The following CTNNA2 variants were observed in gnomAD, a reference collection of about 807,000 sequenced individuals.
CTNNA2 encodes the protein catenin alpha 2, also known as catenin alpha-2.
Under a neutral mutation model 101.0 loss-of-function variants are expected in CTNNA2, and 42 were observed. That is an observed-to-expected ratio of 0.42 (90% confidence interval 0.32 to 0.54). CTNNA2 has a LOEUF of 0.54. CTNNA2 is among the 20% of genes least tolerant of loss of function. The pLI is 0.14. For synonymous variants in CTNNA2, 450 were observed against 456.4 expected (o/e 0.99, Z 0.18); for missense variants, 871 against 1,223.1 (o/e 0.71, Z 4.29).
At chr2:80,553,512 G>A (rs1195803134) in intron 11 of CTNNA2, among the ~76,000 whole-genome samples, 3 of 151,926 alleles carry the variant, frequency 2.0e-5, no homozygotes, top group Admixed American at 6.6e-5. Context: ...GTCATGAATG[G>A]GTTTCTTAGA....
At chr2:80,116,690 T>C (rs975637525) in intron 7 of CTNNA2, among the ~76,000 whole-genome samples, 5 of 152,178 alleles carry the variant, frequency 3.3e-5, no homozygotes, top group African/African-American at 1.2e-4. Context: ...CAGCCAGGTT[T>C]CTACTTTGGT....
At chr2:79,485,575 A>T (rs762697780) in intron 4 of CTNNA2, among the ~76,000 whole-genome samples, 2 of 152,170 alleles carry the variant, frequency 1.3e-5, no homozygotes, top group Non-Finnish European at 2.9e-5. Flanking sequence ...CCTTGTTTGG[A>T]TGTGGAAAGA....
rs575136998 is a variant in CTNNA2, at chr2:80,114,294, T to C, written c.1056+204497T>C. Among the ~76,000 whole-genome samples, 3 of 152,336 alleles carry C rather than the reference T, an allele frequency of 2.0e-5. No homozygotes were observed. The South Asian group carries it at 6.2e-4, about 32-fold the overall frequency. ...GGAAAACTATTGTGATTTCAGGATA[T>C]CAAATCCAGAGTTTTATTCAAATAC... On this transcript the variant is annotated intron_variant, in intron 7 of 18. Transcript: ENST00000402739.
At chr2:80,000,164 G>C (rs149814622) in intron 7 of CTNNA2, among the ~76,000 whole-genome samples, 86 of 152,292 alleles carry the variant, frequency 5.6e-4, no homozygotes, top group African/African-American at 2.0e-3. Flanking sequence ...TAAGTTTAAA[G>C]AATTGGGTGT....
intron 7 of CTNNA2, among the ~76,000 whole-genome samples, chr2:80,105,381 C>T (rs1700814827): frequency 6.6e-6 from 1 of 152,170 alleles, no homozygotes; most frequent in Non-Finnish European, 1.5e-5. Flanking sequence ...TTGAGAATTG[C>T]CTAGGCAAAG....
chr2:79,496,045 G>T (rs964546230), intron 4 of CTNNA2, among the ~76,000 whole-genome samples: 1 of 152,110 alleles, frequency 6.6e-6, no homozygotes, highest in African/African-American at 2.4e-5. Flanking sequence ...GTCTTTTGGG[G>T]TAATGAAAAT....
chr2:79,948,269 C>T (rs1026524855), intron 7 of CTNNA2, among the ~76,000 whole-genome samples: 1 of 152,186 alleles, frequency 6.6e-6, no homozygotes, highest in African/African-American at 2.4e-5. Context: ...TCCATGGTTG[C>T]CGGCTGGTAT....
intron 3 of CTNNA2, among the ~76,000 whole-genome samples, chr2:79,803,757 GT>G (rs1169999762): frequency 6.6e-6 from 1 of 152,218 alleles, no homozygotes; most frequent in Non-Finnish European, 1.5e-5. Flanking sequence ...CCATGATGTA[GT>G]TCCTTAGAAT....
chr2:79,703,319 T>C (rs1685133893), intron 2 of CTNNA2, among the ~76,000 whole-genome samples: 3 of 152,204 alleles, frequency 2.0e-5, no homozygotes, highest in South Asian at 4.1e-4. Flanking sequence ...ACTTGGTTCT[T>C]AGTTGTTTTT....
intron 4 of CTNNA2, among the ~76,000 whole-genome samples, chr2:79,445,765 G>C (rs897476919): frequency 6.6e-6 from 1 of 152,046 alleles, no homozygotes; most frequent in Non-Finnish European, 1.5e-5. Flanking sequence ...ACTCCTGTGT[G>C]CACAAGCAGA....
intron 3 of CTNNA2, among the ~76,000 whole-genome samples, chr2:79,844,979 T>TACACACACACACAC (rs59885288): frequency 0.021 from 2,959 of 140,240 alleles, 63 homozygotes; most frequent in African/African-American, 0.048. Context: ...GAAAACAAAC[T>TACACACACACACAC]ACACACACAC....
chr2:79,683,006 G>C (rs1683689462), intron 2 of CTNNA2, among the ~76,000 whole-genome samples: 1 of 152,210 alleles, frequency 6.6e-6, no homozygotes, highest in Admixed American at 6.5e-5. Context: ...TTAGACTAAA[G>C]TCTATACATG....
At chr2:79,579,470 T>C (rs113496115) in intron 1 of CTNNA2, among the ~76,000 whole-genome samples, 10 of 152,316 alleles carry the variant, frequency 6.6e-5, no homozygotes, top group African/African-American at 2.4e-4. Flanking sequence ...CAGTTTAATA[T>C]AATCTTTCCT....
intron 18 of CTNNA2, among the ~76,000 whole-genome samples, chr2:80,639,156 C>T (rs1486437566): frequency 6.6e-6 from 1 of 152,174 alleles, no homozygotes; most frequent in Non-Finnish European, 1.5e-5. Context: ...GGAGTTATCG[C>T]ACAGAATTTC....
At chr2:79,417,494 A>G (rs1484119363) in intron 4 of CTNNA2, among the ~76,000 whole-genome samples, 3 of 152,182 alleles carry the variant, frequency 2.0e-5, no homozygotes, top group African/African-American at 7.2e-5. Flanking sequence ...CTGAATCAGC[A>G]AGTGTTTCTG....
intron 9 of CTNNA2, among the ~76,000 whole-genome samples, chr2:80,536,579 C>A (rs1186541352): frequency 6.6e-6 from 1 of 152,072 alleles, no homozygotes; most frequent in Non-Finnish European, 1.5e-5. Flanking sequence ...AACAGAATCA[C>A]AAATATTAAA....
At chr2:79,850,916 T>C (rs991588974) in intron 3 of CTNNA2, among the ~76,000 whole-genome samples, 1 of 152,166 alleles carries the variant, frequency 6.6e-6, no homozygotes. Flanking sequence ...TACAGCCTAA[T>C]GAGATCCTAA....
chr2:79,688,292 A>C (rs536993943), intron 2 of CTNNA2, among the ~76,000 whole-genome samples: 264 of 152,230 alleles, frequency 1.7e-3, no homozygotes, highest in Non-Finnish European at 3.0e-3. Flanking sequence ...AGCAAAACAC[A>C]GGAGAATTAC....
intron 7 of CTNNA2, among the ~76,000 whole-genome samples, chr2:79,954,712 A>G (rs1320982343): frequency 6.6e-6 from 1 of 152,228 alleles, no homozygotes; most frequent in Non-Finnish European, 1.5e-5. Context: ...TCTAAGTCAT[A>G]TGAGTCTAAG....
Sources: gnomAD v4.1 joint callset for allele counts (sites outside exome capture counted in the v4.1 genomes callset) on GRCh38, gnomAD v4.1.1 for gene constraint, MANE v1.5 for transcripts, NCBI Gene and HGNC (gene_info 2026-07-23, HGNC 2026-07-21) for gene names.